TPRG1: variants seen among roughly 807,000 people sequenced by gnomAD.
The protein encoded by TPRG1 is tumor protein p63 regulated 1.
Under a neutral mutation model 29.3 loss-of-function variants are expected in TPRG1, and 29 were observed. That is an observed-to-expected ratio of 0.99 (90% CI 0.74 to 1.35). TPRG1 has a LOEUF of 1.35. Among genes scored for constraint, TPRG1 ranks in the 40% most tolerant of loss-of-function variants. TPRG1 has a pLI of 0.00. For missense variants in TPRG1, 327 were observed against 335.0 expected (o/e 0.98, Z 0.19); for synonymous variants, 130 against 116.8 (o/e 1.11, Z -0.73).
chr3:189,169,256 C>G (rs1041950712), upstream of TPRG1, among the ~76,000 whole-genome samples: 6 of 152,214 alleles, frequency 3.9e-5, no homozygotes, highest in Admixed American at 1.3e-4. Flanking sequence ...CCTCCGCCTC[C>G]TGGGCTTAAG....
intron 4 of TPRG1, among the ~76,000 whole-genome samples, chr3:189,091,516 C>T (rs752048687): frequency 2.1e-4 from 32 of 152,124 alleles, no homozygotes; most frequent in Non-Finnish European, 4.0e-4. Flanking sequence ...CATTGATATG[C>T]TTTCTGCCAC....
intron 1 of TPRG1, among the ~76,000 whole-genome samples, chr3:189,198,842 T>C (rs2108769545): frequency 6.6e-6 from 1 of 152,182 alleles, no homozygotes; most frequent in East Asian, 1.9e-4. Context: ...GGATGAGTGG[T>C]AGAAGCATGC....
intron 4 of TPRG1, among the ~76,000 whole-genome samples, chr3:189,034,060 T>C (rs997310513): frequency 6.6e-6 from 1 of 152,206 alleles, no homozygotes; most frequent in Non-Finnish European, 1.5e-5. Flanking sequence ...TGTGTCTTAA[T>C]AACTTAAGAA....
intron 4 of TPRG1, among the ~76,000 whole-genome samples, chr3:189,274,914 G>T (rs1282352905): frequency 6.7e-6 from 1 of 149,564 alleles, no homozygotes; most frequent in African/African-American, 2.5e-5. Context: ...TTTCCCAAGG[G>T]CATTTCTTGA....
At chr3:189,074,427 G>A (rs1429143592) in intron 4 of TPRG1, among the ~76,000 whole-genome samples, 2 of 151,530 alleles carry the variant, frequency 1.3e-5, no homozygotes, top group Non-Finnish European at 2.9e-5. Context: ...GGATGGTCTC[G>A]ATCTCCTGAC....
intron 5 of TPRG1, among the ~76,000 whole-genome samples, chr3:189,161,218 C>T (rs1727433298): frequency 6.6e-6 from 1 of 152,146 alleles, no homozygotes; most frequent in Non-Finnish European, 1.5e-5. Flanking sequence ...ATGGAATTAT[C>T]ATGGGGGTTA....
At chr3:189,049,892 A>G (rs1019429382) in intron 4 of TPRG1, among the ~76,000 whole-genome samples, 30 of 152,218 alleles carry the variant, frequency 2.0e-4, no homozygotes, top group Admixed American at 3.9e-4. Context: ...AATGACAATA[A>G]TGACACAACC....
upstream of TPRG1, among the ~76,000 whole-genome samples, chr3:189,099,475 T>C (rs1718926097): frequency 6.6e-6 from 1 of 151,928 alleles, no homozygotes; most frequent in South Asian, 2.1e-4. Flanking sequence ...GCATTTTTCA[T>C]CTCCTTCAGC....
chr3:189,105,547 AGTAGGTATGTG>A (rs144989585), intron 1 of TPRG1, among the ~76,000 whole-genome samples: 3,237 of 152,062 alleles, frequency 0.021, 110 homozygotes, highest in African/African-American at 0.074. Flanking sequence ...TATGAGTTTG[AGTAGGTATGTG>A]GTAGGTATGT....
intron 1 of TPRG1, among the ~76,000 whole-genome samples, chr3:189,187,627 C>T (rs1731125727): frequency 6.6e-6 from 1 of 152,106 alleles, no homozygotes. Context: ...TCATCTAATT[C>T]TTATACTGTC....
At chr3:189,282,341 C>T (rs1001406599) in intron 4 of TPRG1, among the ~76,000 whole-genome samples, 5 of 151,356 alleles carry the variant, frequency 3.3e-5, no homozygotes, top group Non-Finnish European at 5.9e-5. Context: ...GGCGTTTGTT[C>T]TTTCAGCAAG....
At chr3:189,195,044 G>A (rs1205670147) in intron 1 of TPRG1, among the ~76,000 whole-genome samples, 1 of 152,156 alleles carries the variant, frequency 6.6e-6, no homozygotes, top group Non-Finnish European at 1.5e-5. Flanking sequence ...GGGGTACTAT[G>A]TAAGCCCAAC....
chr3:189,091,867 T>C (rs1008614995), intron 4 of TPRG1, among the ~76,000 whole-genome samples: 1 of 152,280 alleles, frequency 6.6e-6, no homozygotes. Flanking sequence ...TTTTTTCAGA[T>C]ATTTTGAAAT....
intron 1 of TPRG1, among the ~76,000 whole-genome samples, chr3:189,122,084 T>C (rs1315002821): frequency 2.6e-5 from 4 of 152,204 alleles, no homozygotes; most frequent in African/African-American, 7.2e-5. Flanking sequence ...TTGCTTTGAG[T>C]TGTCTATACA....
chr3:189,178,422 G>T (rs1013463262), intron 1 of TPRG1, among the ~76,000 whole-genome samples: 3 of 152,134 alleles, frequency 2.0e-5, no homozygotes, highest in Non-Finnish European at 4.4e-5. Context: ...CCAGCTACTC[G>T]CAAGGCTGAG....
At chr3:189,183,922 A>G (rs898452079) in intron 1 of TPRG1, among the ~76,000 whole-genome samples, 1 of 151,988 alleles carries the variant, frequency 6.6e-6, no homozygotes, top group East Asian at 1.9e-4. Context: ...AAGTAAAGAC[A>G]GGCATAGGAA....
intron 4 of TPRG1, chr3:189,310,053 C>T (rs1323143102): frequency 1.2e-5 from 2 of 168,366 alleles, no homozygotes; most frequent in East Asian, 1.6e-4. Context: ...TGTTCTGTTA[C>T]TGTTCACCTC....
intron 4 of TPRG1, among the ~76,000 whole-genome samples, chr3:189,072,077 T>C (rs975191493): frequency 6.6e-6 from 1 of 152,132 alleles, no homozygotes; most frequent in Admixed American, 6.5e-5. Context: ...ATAGTGATGA[T>C]GGAGAAAAAA....
intron 4 of TPRG1, among the ~76,000 whole-genome samples, chr3:189,041,846 A>G (rs1714654029): frequency 6.6e-6 from 1 of 152,228 alleles, no homozygotes; most frequent in Non-Finnish European, 1.5e-5. Flanking sequence ...CTGTTGCTGC[A>G]GAACTGTTTA....
Sources: allele counts gnomAD v4.1 joint callset (sites outside exome capture counted in the v4.1 genomes callset), GRCh38; gene constraint gnomAD v4.1.1; transcripts MANE v1.5; gene names NCBI Gene and HGNC (gene_info 2026-07-23, HGNC 2026-07-21).